Variants in COL21A1 observed in about 807,000 individuals in gnomAD.
COL21A1 encodes the protein collagen alpha-1(XXI) chain.
In COL21A1, 149 loss-of-function variants were observed where a neutral mutation model predicts 137.9. The observed-to-expected ratio is 1.08, with a 90% CI of 0.95 to 1.24. COL21A1 has a LOEUF of 1.24. COL21A1 is among the 50% of genes most tolerant of loss of function. The pLI is 0.00. For synonymous variants in COL21A1, 456 were observed against 391.5 expected, an observed-to-expected ratio of 1.16 and a Z score of -1.95; for missense variants, 1,167 against 1,158.4, an observed-to-expected ratio of 1.01 and a Z score of -0.11.
intron 1 of COL21A1, among the ~76,000 whole-genome samples, chr6:56,357,326 A>T (rs1024200444): frequency 1.3e-5 from 2 of 152,196 alleles, no homozygotes; most frequent in South Asian, 4.1e-4. Context: ...TGTATCTTAC[A>T]ATCTACAGCA....
chr6:56,268,381 T>A (rs1022440132), intron 1 of COL21A1, among the ~76,000 whole-genome samples: 1 of 152,216 alleles, frequency 6.6e-6, no homozygotes, highest in East Asian at 1.9e-4. Context: ...GATGAGGGAA[T>A]CATGTCTCTC....
intron 12 of COL21A1, among the ~76,000 whole-genome samples, chr6:56,139,777 G>C (rs1774279848): frequency 6.6e-6 from 1 of 152,118 alleles, no homozygotes; most frequent in South Asian, 2.1e-4. Context: ...CCAGAGGTAA[G>C]GAACTTTATT....
At chr6:56,343,788 T>A (rs906296115) in intron 1 of COL21A1, among the ~76,000 whole-genome samples, 1 of 152,030 alleles carries the variant, frequency 6.6e-6, no homozygotes, top group Non-Finnish European at 1.5e-5. Context: ...AAAAAAAATT[T>A]AAAAATTAGC....
chr6:56,387,903 CCTG>C (rs1411057824), intron 1 of COL21A1, among the ~76,000 whole-genome samples: 1 of 152,160 alleles, frequency 6.6e-6, no homozygotes, highest in East Asian at 1.9e-4. Context: ...AAGCAGTGGA[CCTG>C]GGGTACACAT....
chr6:56,260,891 T>TGTGTGTGTGTGC (rs1582739777), intron 1 of COL21A1, among the ~76,000 whole-genome samples: 5 of 150,762 alleles, frequency 3.3e-5, no homozygotes, highest in East Asian at 4.0e-4. Context: ...TGTGTGTGTG[T>TGTGTGTGTGTGC]GTACCTTTTA....
At chr6:56,223,847 G>C (rs943791103) in intron 1 of COL21A1, among the ~76,000 whole-genome samples, 7 of 152,030 alleles carry the variant, frequency 4.6e-5, no homozygotes, top group Admixed American at 3.3e-4. Context: ...CATGCATTAA[G>C]ATTTTACATT....
At chr6:56,125,461 A>G in intron 14 of COL21A1, 106 bp downstream of exon 14, 1 of 708,096 alleles carries the variant, frequency 1.4e-6, no homozygotes, top group South Asian at 2.4e-5. Flanking sequence ...AGAAGGGTGA[A>G]CAGAGCTAAC....
At chr6:56,100,117 G>A (rs928260597) in intron 17 of COL21A1, among the ~76,000 whole-genome samples, 1 of 152,054 alleles carries the variant, frequency 6.6e-6, no homozygotes, top group African/African-American at 2.4e-5. Flanking sequence ...TTTCTAACAC[G>A]CAACAGAGAC....
intron 1 of COL21A1, among the ~76,000 whole-genome samples, chr6:56,239,406 A>G (rs1159595075): frequency 1.3e-5 from 2 of 152,188 alleles, no homozygotes; most frequent in African/African-American, 4.8e-5. Context: ...ATTTAAAAAT[A>G]CACATGAGAA....
intron 16 of COL21A1, 40 bp downstream of exon 16, chr6:56,124,022 A>T: frequency 6.9e-7 from 1 of 1,448,882 alleles, no homozygotes; most frequent in South Asian, 1.4e-5. Flanking sequence ...AAGATACAAA[A>T]ATCTTTTTGT....
chr6:56,168,404 A>T (rs960638357), intron 5 of COL21A1, 107 bp from the exon 6 acceptor site: 2 of 839,606 alleles, frequency 2.4e-6, no homozygotes, highest in South Asian at 3.0e-5. Flanking sequence ...ACTTCATCCC[A>T]CACAGACTGA....
chr6:56,270,041 A>G (rs1763486352), intron 1 of COL21A1, among the ~76,000 whole-genome samples: 1 of 152,236 alleles, frequency 6.6e-6, no homozygotes, highest in Non-Finnish European at 1.5e-5. Context: ...CAAAACAACT[A>G]GCTAGCAATA....
At chr6:56,124,826 T>G (rs1772884211) in intron 14 of COL21A1, among the ~76,000 whole-genome samples, 1 of 151,732 alleles carries the variant, frequency 6.6e-6, no homozygotes. Context: ...TTTGTATTTT[T>G]ACTAGAGACG....
chr6:56,098,298 C>T (rs866579545), intron 17 of COL21A1, among the ~76,000 whole-genome samples: 2 of 20,600 alleles, frequency 9.7e-5, no homozygotes, highest in Non-Finnish European at 1.7e-4. Context: ...TATATAAATA[C>T]ATATGTAAAT....
At chr6:56,268,150 C>A (rs1050900563) in intron 1 of COL21A1, among the ~76,000 whole-genome samples, 4 of 152,150 alleles carry the variant, frequency 2.6e-5, no homozygotes, top group African/African-American at 9.7e-5. Flanking sequence ...GAGGAGCCCA[C>A]ACTCTCAGAG....
chr6:56,393,542 A>G (rs1308626389), intron 1 of COL21A1, among the ~76,000 whole-genome samples: 2 of 152,096 alleles, frequency 1.3e-5, no homozygotes, highest in Non-Finnish European at 2.9e-5. Flanking sequence ...AAAGGAAACA[A>G]TCAACAAAGT....
intron 1 of COL21A1, among the ~76,000 whole-genome samples, chr6:56,207,097 A>G (rs1365181988): frequency 6.6e-6 from 1 of 152,144 alleles, no homozygotes; most frequent in Non-Finnish European, 1.5e-5. Context: ...GAAAAGATCT[A>G]AAATTGACAC....
intron 1 of COL21A1, among the ~76,000 whole-genome samples, chr6:56,378,093 A>T (rs2094002787): frequency 6.6e-6 from 1 of 152,166 alleles, no homozygotes; most frequent in Admixed American, 6.5e-5. Flanking sequence ...GTGGAGGGCC[A>T]TAGGTGAGAC....
chr6:56,190,010 A>C (rs1778553883), intron 1 of COL21A1, among the ~76,000 whole-genome samples: 1 of 152,152 alleles, frequency 6.6e-6, no homozygotes, highest in Non-Finnish European at 1.5e-5. Context: ...AACCACTGCA[A>C]AAACATACAC....
Sources: gnomAD v4.1 joint callset for allele counts (sites outside exome capture counted in the v4.1 genomes callset) on GRCh38, gnomAD v4.1.1 for gene constraint, MANE v1.5 for transcripts, NCBI Gene and HGNC (gene_info 2026-07-23, HGNC 2026-07-21) for gene names.